The following PDE10A variants were observed in gnomAD, a reference collection of about 807,000 sequenced individuals.
PDE10A encodes phosphodiesterase 10A, also known as cAMP and cAMP-inhibited cGMP 3',5'-cyclic phosphodiesterase 10A.
PDE10A carries 39 observed loss-of-function variants against 97.7 expected under a neutral mutation model. The ratio of observed to expected loss-of-function variants is 0.40; its 90% CI spans 0.31 to 0.52. PDE10A has a LOEUF of 0.52. Among genes scored for constraint, PDE10A ranks in the 20% least tolerant of loss-of-function variants. The pLI is 0.56. For synonymous variants in PDE10A, 371 were observed against 376.8 expected, an observed-to-expected ratio of 0.98 and a Z score of 0.18; for missense variants, 731 against 1,047.8, an observed-to-expected ratio of 0.70 and a Z score of 4.17.
rs1435494460 is a variant in PDE10A at position 165,752,153 on chromosome 6, AAG to A, written c.-614-208587_-614-208586del. On this transcript the variant is annotated intron_variant, in intron 1 of 19. Transcript: ENST00000366882. ...GCAAAAAAAAAAAAAAAAAAAAAAA[AAG>A]TGGGTAAAAGTAGGTATAAAGACAG... Among the ~76,000 whole-genome samples the A allele has an allele frequency of 1.9e-3, 221 of 115,712 alleles. 2 individuals are homozygous for A. In the East Asian group the frequency reaches 0.041, roughly 22 times the overall value. The allele number at this position is 115,712 out of a possible 152,430, so 75.9% of individuals were successfully genotyped here. A position where few individuals can be genotyped will look rare whatever the true frequency, so the allele number is the denominator to read the frequency against.
intron 1 of PDE10A, among the ~76,000 whole-genome samples, chr6:165,862,285 T>C (rs1205930570): frequency 1.3e-5 from 2 of 152,214 alleles, no homozygotes; most frequent in Non-Finnish European, 2.9e-5. Context: ...ACGTCACAAA[T>C]TCACAGGTGG....
At position 165,330,226 on chromosome 6, in the gene PDE10A, A is replaced by G. The variant is rs546005497; in HGVS notation, c.*2799T>C. The G allele has an allele frequency of 3.9e-5, 6 of 152,296 alleles. No homozygotes were observed. Among genetic ancestry groups the G allele is most frequent in the African/African-American group, 1.2e-4 (5 of 41,566 alleles). 9.4% of individuals were successfully genotyped at this position (152,296 alleles called of 1,614,324 possible). On this transcript the variant is annotated 3_prime_UTR_variant, in exon 22 of 22. Transcript: ENST00000539869. ...GTTACTAAATTTATACTGGGTGGAAAATTTGGCACAATACACAATACGACC... is the reference window on the plus strand; with the variant it reads ...GTTACTAAATTTATACTGGGTGGAAGATTTGGCACAATACACAATACGACC...
intron 1 of PDE10A, among the ~76,000 whole-genome samples, chr6:165,863,229 CT>C (rs1780954882): frequency 6.6e-6 from 1 of 152,166 alleles, no homozygotes; most frequent in African/African-American, 2.4e-5. Flanking sequence ...TGTCTTCTGG[CT>C]TTTATGCATT....
At chr6:165,928,321 T>G (rs1445312422) in intron 1 of PDE10A, among the ~76,000 whole-genome samples, 3 of 152,128 alleles carry the variant, frequency 2.0e-5, no homozygotes, top group Non-Finnish European at 4.4e-5. Flanking sequence ...GCAGATTGAT[T>G]GGAGGATGAG....
intron 1 of PDE10A, among the ~76,000 whole-genome samples, chr6:165,786,601 G>A (rs1290459870): frequency 6.6e-6 from 1 of 152,152 alleles, no homozygotes; most frequent in Non-Finnish European, 1.5e-5. Flanking sequence ...TGACACATGG[G>A]CTGTTTTGCA....
intron 1 of PDE10A, among the ~76,000 whole-genome samples, chr6:165,717,279 T>C (rs919024547): frequency 6.6e-6 from 1 of 152,210 alleles, no homozygotes; most frequent in South Asian, 2.1e-4. Context: ...TCTGGGCTTT[T>C]GTCATAATGC....
chr6:165,906,212 C>T (rs1165189666), intron 1 of PDE10A, among the ~76,000 whole-genome samples: 1 of 150,424 alleles, frequency 6.6e-6, no homozygotes, highest in African/African-American at 2.5e-5. Flanking sequence ...ACGTAAGACC[C>T]TTCTTTGTCA....
intron 2 of PDE10A, among the ~76,000 whole-genome samples, chr6:165,527,515 A>G (rs1356678039): frequency 6.6e-6 from 1 of 152,168 alleles, no homozygotes; most frequent in Non-Finnish European, 1.5e-5. Context: ...TCTCCACCAG[A>G]TAACTACTCT....
At chr6:165,934,242 C>T (rs537502387) in intron 1 of PDE10A, among the ~76,000 whole-genome samples, 26 of 150,646 alleles carry the variant, frequency 1.7e-4, no homozygotes, top group East Asian at 1.9e-4. Context: ...TCAAGTGATC[C>T]GCCAATCTTG....
At chr6:165,881,724 C>A (rs910475667) in intron 1 of PDE10A, among the ~76,000 whole-genome samples, 1 of 151,950 alleles carries the variant, frequency 6.6e-6, no homozygotes, top group Non-Finnish European at 1.5e-5. Flanking sequence ...AGGTCAGCCT[C>A]CCCCAGGTTG....
chr6:165,713,446 C>T (rs976729573), intron 1 of PDE10A, among the ~76,000 whole-genome samples: 1 of 152,120 alleles, frequency 6.6e-6, no homozygotes, highest in Non-Finnish European at 1.5e-5. Flanking sequence ...TAGCATTGTC[C>T]GTTTTCACAA....
intron 1 of PDE10A, among the ~76,000 whole-genome samples, chr6:165,589,172 T>C (rs1368803297): frequency 2.6e-5 from 4 of 152,164 alleles, no homozygotes; most frequent in African/African-American, 9.7e-5. Context: ...CAAAGTACTA[T>C]AGGCCTTTAG....
At position 165,372,029 on chromosome 6, in the gene PDE10A, C is replaced by G. The variant is rs568574457; in HGVS notation, c.2783+7165G>C. Among the ~76,000 whole-genome samples the G allele has an allele frequency of 4.6e-4, 69 of 150,148 alleles. 1 individual carries two copies. Among genetic ancestry groups the G allele is most frequent in the African/African-American group, 1.5e-3 (61 of 40,312 alleles). On this transcript the variant is annotated intron_variant, in intron 18 of 21. Coordinates refer to ENST00000539869, the MANE Select transcript of PDE10A (RefSeq NM_001385079.1). Reference sequence around the variant, plus strand: ...AAGGCCTTTGACAAAATTCAACAACCCTTCATGCTAAAAACTCTCAATAAA... The same window carrying G: ...AAGGCCTTTGACAAAATTCAACAACGCTTCATGCTAAAAACTCTCAATAAA...
chr6:165,724,224 A>G (rs1210586812), intron 1 of PDE10A, among the ~76,000 whole-genome samples: 1 of 152,212 alleles, frequency 6.6e-6, no homozygotes, highest in African/African-American at 2.4e-5. Flanking sequence ...CAGATGATAG[A>G]TTTGGAAAAG....
At chr6:165,666,734 C>G (rs1379069299), upstream of PDE10A, among the ~76,000 whole-genome samples, 1 of 151,556 alleles carries the variant, frequency 6.6e-6, no homozygotes, top group East Asian at 1.9e-4. Context: ...CCCAATTCAT[C>G]ATAGCTTTGT....
At chr6:165,717,355 C>T (rs1792049588) in intron 1 of PDE10A, among the ~76,000 whole-genome samples, 1 of 152,136 alleles carries the variant, frequency 6.6e-6, no homozygotes, top group Admixed American at 6.6e-5. Flanking sequence ...TTTTGGGAGG[C>T]AAAGTGGGTG....
chr6:165,568,201 A>T (rs964296112), intron 1 of PDE10A, among the ~76,000 whole-genome samples: 4 of 151,962 alleles, frequency 2.6e-5, no homozygotes, highest in South Asian at 2.1e-4. Flanking sequence ...GGGTTTCACC[A>T]TGTTAGACAC....
intron 1 of PDE10A, among the ~76,000 whole-genome samples, chr6:165,794,294 CCA>C (rs1158150209): frequency 6.6e-6 from 1 of 150,404 alleles, no homozygotes; most frequent in Non-Finnish European, 1.5e-5. Flanking sequence ...GCACTCCCTC[CCA>C]CACTCACACA....
At chr6:165,930,837 A>G (rs746822717) in intron 1 of PDE10A, among the ~76,000 whole-genome samples, 1 of 152,232 alleles carries the variant, frequency 6.6e-6, no homozygotes, top group Non-Finnish European at 1.5e-5. Context: ...GCTCACTGAC[A>G]CGAGGGGAGC....
Sources: gnomAD v4.1 joint callset for allele counts (sites outside exome capture counted in the v4.1 genomes callset) on GRCh38, gnomAD v4.1.1 for gene constraint, MANE v1.5 for transcripts, NCBI Gene and HGNC (gene_info 2026-07-23, HGNC 2026-07-21) for gene names.